Variants in THADA observed in about 807,000 individuals in gnomAD.
The protein encoded by THADA is THADA armadillo repeat containing, also known as tRNA (32-2'-O)-methyltransferase regulator THADA.
THADA carries 213 observed loss-of-function variants against 219.8 expected under a neutral mutation model. The ratio of observed to expected loss-of-function variants is 0.97; its 90% CI spans 0.87 to 1.09. The LOEUF (loss-of-function observed/expected upper bound fraction) is 1.09, where lower values mean the gene tolerates loss of function less well. Among genes scored for constraint, THADA ranks in the 50% least tolerant of loss-of-function variants. The probability of loss-of-function intolerance (pLI) is 0.00; values close to 1 mark genes in which losing one functional copy is unlikely to be tolerated. For synonymous variants in THADA, 1,018 were observed against 828.9 expected, an observed-to-expected ratio of 1.23 and a Z score of -3.92; for missense variants, 2,956 against 2,311.3, an observed-to-expected ratio of 1.28 and a Z score of -5.72.
chr2:43,309,779 T>C (rs572167100), intron 31 of THADA, among the ~76,000 whole-genome samples: 2 of 152,250 alleles, frequency 1.3e-5, no homozygotes, highest in East Asian at 1.9e-4. Flanking sequence ...TATTCAACAC[T>C]GTATTGGAGG....
In THADA at chr2:43,301,336, G is replaced by A. The variant is rs192375368; in HGVS notation, c.4439-8123C>T. ...AGAGAAAATAACCAAGAATTCAAAA[G>A]AACGAATACGCACTATGAATGTTCC... On this transcript the variant is annotated intron_variant, in intron 31 of 37. Coordinates refer to ENST00000405975, the MANE Select transcript of THADA (RefSeq NM_022065.5). Among the ~76,000 whole-genome samples, 227 of 152,338 alleles carry A rather than the reference G, an allele frequency of 1.5e-3. 6 individuals are homozygous for A. The East Asian group carries it at 0.034, about 23-fold the overall frequency.
chr2:43,337,358 C>T (rs1275272491), intron 30 of THADA, among the ~76,000 whole-genome samples: 1 of 152,200 alleles, frequency 6.6e-6, no homozygotes, highest in Non-Finnish European at 1.5e-5. Context: ...GGCTGTGAGG[C>T]ATGTGGTGTG....
intron 31 of THADA, among the ~76,000 whole-genome samples, chr2:43,302,343 C>T (rs1181690910): frequency 1.3e-5 from 2 of 152,074 alleles, no homozygotes; most frequent in African/African-American, 4.8e-5. Flanking sequence ...CTTTTTTCAG[C>T]CCTCCTTGTT....
rs2104707694 is a variant in THADA at position 43,396,008 on chromosome 2, C to T, written c.4227+1963G>A. ...CTGGCCTCAAGTGATCTGTCCAGCT[C>T]AGCCTCCCAAAGTGCTGGGATTATA... On this transcript the variant is annotated intron_variant, in intron 29 of 37. Transcript: ENST00000405975. Among the ~76,000 whole-genome samples the T allele has an allele frequency of 2.0e-5, 3 of 152,340 alleles. No individual in the cohort carries two copies. In the South Asian group the frequency reaches 6.2e-4, roughly 32 times the overall value.
At chr2:43,586,065 G>C (rs944929591) in intron 7 of THADA, among the ~76,000 whole-genome samples, 4 of 152,032 alleles carry the variant, frequency 2.6e-5, no homozygotes, top group African/African-American at 9.7e-5. Context: ...AGTAGTTTAA[G>C]ACCAGCCTGG....
chr2:43,311,845 C>A (rs1677543741), intron 31 of THADA, among the ~76,000 whole-genome samples: 2 of 152,216 alleles, frequency 1.3e-5, no homozygotes, highest in Non-Finnish European at 2.9e-5. Context: ...TGGGCAACTA[C>A]TTTCAGATTA....
chr2:43,470,676 A>C (rs1377242345), intron 26 of THADA, among the ~76,000 whole-genome samples: 1 of 152,094 alleles, frequency 6.6e-6, no homozygotes, highest in Non-Finnish European at 1.5e-5. Context: ...CAAGAATAAG[A>C]CTCTAACTTT....
intron 26 of THADA, among the ~76,000 whole-genome samples, chr2:43,478,760 T>A (rs777536160): frequency 6.6e-6 from 1 of 152,226 alleles, no homozygotes; most frequent in Non-Finnish European, 1.5e-5. Context: ...ACACAATGAC[T>A]AATTCCCACT....
chr2:43,289,708 G>A (rs1190618046), intron 34 of THADA, among the ~76,000 whole-genome samples: 1 of 152,130 alleles, frequency 6.6e-6, no homozygotes, highest in African/African-American at 2.4e-5. Flanking sequence ...CTGGAGTACA[G>A]TGAGACAATC....
chr2:43,423,742 C>A (rs1196579239), intron 28 of THADA, among the ~76,000 whole-genome samples: 1 of 152,080 alleles, frequency 6.6e-6, no homozygotes, highest in Non-Finnish European at 1.5e-5. Context: ...ATTCTATGGT[C>A]CTAGGTTTGA....
At chr2:43,576,034 T>C (rs1699819673) in intron 10 of THADA, among the ~76,000 whole-genome samples, 1 of 152,210 alleles carries the variant, frequency 6.6e-6, no homozygotes, top group African/African-American at 2.4e-5. Context: ...ACTACACATG[T>C]AGAAACTTTT....
intron 26 of THADA, among the ~76,000 whole-genome samples, chr2:43,436,382 C>T (rs933812013): frequency 2.8e-4 from 43 of 152,258 alleles, no homozygotes; most frequent in African/African-American, 9.9e-4. Flanking sequence ...AAGGAAAATG[C>T]TCTGCTCTTC....
At chr2:43,291,659 A>G in intron 34 of THADA, 37 bp downstream of exon 34, 1 of 1,493,602 alleles carries the variant, frequency 6.7e-7, no homozygotes, top group Non-Finnish European at 9.0e-7. Flanking sequence ...AGAACAAAAA[A>G]TCCTAGGTCC....
chr2:43,428,238 C>A lies in THADA; in HGVS notation c.3927-7G>T, dbSNP rs1558744460. The A allele has an allele frequency of 1.3e-6, 2 of 1,587,348 alleles. No individual in the cohort carries two copies. Among genetic ancestry groups the A allele is most frequent in the Non-Finnish European group, 1.7e-6 (2 of 1,164,724 alleles). On this transcript the variant is annotated splice_polypyrimidine_tract_variant and splice_region_variant and intron_variant, in intron 27 of 37. Transcript: ENST00000405975. ...ATTTGGTTCTCCCATATCACTGAAA[C>A]AACAATTATTACACATGAAAGATTT...
chr2:43,450,921 ATGGTGGTTAC>A (rs1682233929), intron 26 of THADA, among the ~76,000 whole-genome samples: 1 of 152,232 alleles, frequency 6.6e-6, no homozygotes, highest in South Asian at 2.1e-4. Flanking sequence ...AGAAAGTAGA[ATGGTGGTTAC>A]TGGGGCACTG....
At chr2:43,263,922 T>G (rs1671240282) in intron 36 of THADA, among the ~76,000 whole-genome samples, 1 of 152,092 alleles carries the variant, frequency 6.6e-6, no homozygotes, top group Admixed American at 6.5e-5. Context: ...AGCTAAGCCT[T>G]TCATTATAAA....
chr2:43,290,134 G>A (rs1341848346), intron 34 of THADA, among the ~76,000 whole-genome samples: 8 of 151,676 alleles, frequency 5.3e-5, no homozygotes, highest in African/African-American at 1.2e-4. Flanking sequence ...CACCACACCC[G>A]TCTAATTTTT....
chr2:43,273,255 C>T lies in THADA; in HGVS notation c.5296+6510G>A, dbSNP rs566288088. Among the ~76,000 whole-genome samples, 226 of 132,638 alleles carry T rather than the reference C, an allele frequency of 1.7e-3. 1 individual carries two copies. The highest frequency in any genetic ancestry group is 6.3e-3 in the African/African-American group (224 of 35,738). 87.0% of individuals were successfully genotyped at this position (132,638 alleles called of 152,430 possible). ...CGCCAAGAGTGAAACTCTGTCTCAA[C>T]AACAACAACAACAACAAAAAAAAAA... On this transcript the variant is annotated intron_variant, in intron 36 of 37. Coordinates refer to ENST00000405975, the MANE Select transcript of THADA (RefSeq NM_022065.5).
chr2:43,581,853 C>T lies in THADA; in HGVS notation c.609G>A (p.Met203Ile), dbSNP rs562360663. 24 of 1,612,150 alleles carry T rather than the reference C, an allele frequency of 1.5e-5. No individual in the cohort carries two copies. The South Asian group carries it at 2.3e-4, about 16-fold the overall frequency. The change falls in exon 8 of 38, where the codon ATG (methionine) becomes ATA (isoleucine). Residue 203 changes from methionine to isoleucine, a missense_variant. Met to Ile is a conservative substitution (Grantham distance 10). Coordinates refer to ENST00000405975, the MANE Select transcript of THADA (RefSeq NM_022065.5). ...GGAAATCTTGTACTTTCTGTACTAA[C>T]ATCATTGAAACTCTAATGCCTACCA... ...DLLVGIRVSM[M>I]LVQKVQDFQG...
Sources: allele counts gnomAD v4.1 joint callset (sites outside exome capture counted in the v4.1 genomes callset), GRCh38; gene constraint gnomAD v4.1.1; transcripts MANE v1.5; gene names NCBI Gene and HGNC (gene_info 2026-07-23, HGNC 2026-07-21).